Variants in PPP2R5E observed in about 807,000 individuals in gnomAD.
PPP2R5E encodes protein phosphatase 2 regulatory subunit B'epsilon, also known as serine/threonine-protein phosphatase 2A 56 kDa regulatory subunit epsilon isoform.
In PPP2R5E, 4 loss-of-function variants were observed where a neutral mutation model predicts 65.3. The ratio of observed to expected loss-of-function variants is 0.06; its 90% CI spans 0.03 to 0.14. The LOEUF (loss-of-function observed/expected upper bound fraction) is 0.14. PPP2R5E is among the 10% of genes least tolerant of loss of function. The pLI is 1.00. For missense variants in PPP2R5E, 274 were observed against 556.1 expected (o/e 0.49, Z 5.10); for synonymous variants, 183 against 187.4 (o/e 0.98, Z 0.19).
intron 2 of PPP2R5E, among the ~76,000 whole-genome samples, chr14:63,484,563 G>A (rs1890889891): frequency 6.6e-6 from 1 of 151,950 alleles, no homozygotes; most frequent in Admixed American, 6.5e-5. Context: ...TTAAGAATGA[G>A]GCAATGACAA....
At chr14:63,497,656 G>C (rs985117350) in intron 2 of PPP2R5E, among the ~76,000 whole-genome samples, 1 of 152,000 alleles carries the variant, frequency 6.6e-6, no homozygotes, top group African/African-American at 2.4e-5. Context: ...GCTGAGGCAG[G>C]AGAATCGCTT....
chr14:63,453,857 C>G lies in PPP2R5E; in HGVS notation c.186G>C (p.Leu62=). ...KDVPSSEQPE[L]FLKKLQQCCV... ...AGCACTGCTGAAGTTTCTTTAGGAA[C>G]AGTTCAGGCTGCTCTGAGGATGGAA... Residue 62 remains leucine (L), a synonymous_variant, in exon 3 of 14, where the codon CTG becomes CTC. Transcript: ENST00000337537. The G allele has an allele frequency of 6.4e-7, 1 of 1,560,338 alleles. No individual in the cohort carries two copies. Among genetic ancestry groups the G allele is most frequent in the Middle Eastern group, 1.7e-4 (1 of 5,796 alleles).
At chr14:63,507,454 C>A (rs896533240) in intron 2 of PPP2R5E, among the ~76,000 whole-genome samples, 1 of 150,156 alleles carries the variant, frequency 6.7e-6, no homozygotes, top group Non-Finnish European at 1.5e-5. Context: ...ATTAACTTTA[C>A]TAAAAATACC....
chr14:63,517,155 G>C (rs1427229653), intron 2 of PPP2R5E, among the ~76,000 whole-genome samples: 1 of 152,050 alleles, frequency 6.6e-6, no homozygotes, highest in Non-Finnish European at 1.5e-5. Flanking sequence ...ATGACACCCT[G>C]AGGTGGTGAA....
Position 63,539,677 on chromosome 14 carries a change from T to C in PPP2R5E, c.9A>G (p.Ser3=). Residue 3 remains serine, a synonymous_variant, in exon 2 of 14, where the codon TCA becomes TCG. Transcript: ENST00000337537. MS[S]APTTPPSVDK... is the part of the protein sequence containing the mutation. ...CCACTGATGGAGGAGTAGTTGGTGCTGAGGACATATCCCTACTGAAGAGAA... is the reference window on the plus strand; with the variant it reads ...CCACTGATGGAGGAGTAGTTGGTGCCGAGGACATATCCCTACTGAAGAGAA... 1.9e-6 allele frequency: 3 copies of C among 1,613,686 alleles called. No homozygotes were observed. The highest frequency in any genetic ancestry group is 2.5e-6 in the Non-Finnish European group (3 of 1,179,684).
intron 2 of PPP2R5E, among the ~76,000 whole-genome samples, chr14:63,483,665 G>A (rs1329515597): frequency 6.6e-6 from 1 of 152,170 alleles, no homozygotes; most frequent in Non-Finnish European, 1.5e-5. Flanking sequence ...AGCTCCTGCA[G>A]GCAGCTCCAT....
intron 4 of PPP2R5E, among the ~76,000 whole-genome samples, chr14:63,421,704 T>G (rs1040573795): frequency 3.3e-5 from 5 of 152,194 alleles, no homozygotes; most frequent in African/African-American, 9.6e-5. Flanking sequence ...TGTGCTTTGT[T>G]GGAGGCTCTA....
At chr14:63,459,477 T>A (rs1889333252) in intron 2 of PPP2R5E, among the ~76,000 whole-genome samples, 1 of 152,238 alleles carries the variant, frequency 6.6e-6, no homozygotes, top group African/African-American at 2.4e-5. Context: ...ATAGACTTCA[T>A]GTCCTATGAA....
chr14:63,538,782 T>C (rs992059358), intron 2 of PPP2R5E, among the ~76,000 whole-genome samples: 6 of 151,338 alleles, frequency 4.0e-5, no homozygotes, highest in Non-Finnish European at 7.4e-5. Flanking sequence ...CTGTCTCTAT[T>C]AAAAATACAA....
intron 2 of PPP2R5E, among the ~76,000 whole-genome samples, chr14:63,482,198 C>T (rs998053017): frequency 7.2e-5 from 11 of 152,206 alleles, no homozygotes; most frequent in Admixed American, 5.2e-4. Context: ...AGCACAGTGA[C>T]TCATGTCTGT....
At chr14:63,391,235 G>A (rs1168831285) in intron 10 of PPP2R5E, among the ~76,000 whole-genome samples, 1 of 152,142 alleles carries the variant, frequency 6.6e-6, no homozygotes, top group Non-Finnish European at 1.5e-5. Context: ...AAAAGACAGG[G>A]TTTAGGAGTC....
chr14:63,428,124 A>G (rs1252737844), intron 3 of PPP2R5E, among the ~76,000 whole-genome samples: 1 of 152,172 alleles, frequency 6.6e-6, no homozygotes, highest in African/African-American at 2.4e-5. Flanking sequence ...ACAAAGAACT[A>G]TAACGATCTC....
chr14:63,390,977 C>CA (rs1042487813), intron 10 of PPP2R5E, among the ~76,000 whole-genome samples: 3 of 152,186 alleles, frequency 2.0e-5, no homozygotes, highest in African/African-American at 7.2e-5. Flanking sequence ...CTGAACCCCC[C>CA]AGGGTCATTT....
intron 2 of PPP2R5E, among the ~76,000 whole-genome samples, chr14:63,506,105 T>C (rs1180664709): frequency 6.6e-6 from 1 of 152,098 alleles, no homozygotes; most frequent in Non-Finnish European, 1.5e-5. Flanking sequence ...GCAAATCATA[T>C]ATTTGATAAG....
At chr14:63,441,675 G>A (rs1421678608) in intron 3 of PPP2R5E, among the ~76,000 whole-genome samples, 1 of 152,192 alleles carries the variant, frequency 6.6e-6, no homozygotes, top group African/African-American at 2.4e-5. Context: ...ACTTTGGGAG[G>A]CCGAGGCGGG....
At chr14:63,430,999 G>A (rs1056032860) in intron 3 of PPP2R5E, among the ~76,000 whole-genome samples, 1 of 152,124 alleles carries the variant, frequency 6.6e-6, no homozygotes, top group African/African-American at 2.4e-5. Context: ...GCCAGGCATG[G>A]TGGCTCACCC....
At chr14:63,403,943 T>C (rs1885915772) in intron 5 of PPP2R5E, among the ~76,000 whole-genome samples, 1 of 152,180 alleles carries the variant, frequency 6.6e-6, no homozygotes, top group Non-Finnish European at 1.5e-5. Context: ...AGATACATAA[T>C]GGCTTACAGT....
At chr14:63,483,216 T>C (rs1890798902) in intron 2 of PPP2R5E, among the ~76,000 whole-genome samples, 1 of 151,604 alleles carries the variant, frequency 6.6e-6, no homozygotes, top group Admixed American at 6.6e-5. Flanking sequence ...AGAGAAAAAA[T>C]AAGCAGAGCA....
chr14:63,471,923 T>C (rs1247989368), intron 2 of PPP2R5E, among the ~76,000 whole-genome samples: 1 of 152,246 alleles, frequency 6.6e-6, no homozygotes, highest in African/African-American at 2.4e-5. Context: ...TTCTGTCATC[T>C]ATCTCCTCTT....
Sources: allele counts gnomAD v4.1 joint callset (sites outside exome capture counted in the v4.1 genomes callset), GRCh38; gene constraint gnomAD v4.1.1; transcripts MANE v1.5; gene names NCBI Gene and HGNC (gene_info 2026-07-23, HGNC 2026-07-21).